The following MAP3K9 variants were observed in gnomAD, a reference collection of about 807,000 sequenced individuals.
MAP3K9 encodes mitogen-activated protein kinase kinase kinase 9.
In MAP3K9, 46 loss-of-function variants were observed where a neutral mutation model predicts 95.8. The observed-to-expected ratio is 0.48, with a 90% CI of 0.38 to 0.61. The LOEUF is 0.61. Among genes scored for constraint, MAP3K9 ranks in the 20% least tolerant of loss-of-function variants. The pLI is 0.00. For synonymous variants in MAP3K9, 533 were observed against 593.8 expected, an observed-to-expected ratio of 0.90 and a Z score of 1.49; for missense variants, 1,296 against 1,474.3, an observed-to-expected ratio of 0.88 and a Z score of 1.98.
chr14:70,782,296 A>T (rs1190698709), intron 2 of MAP3K9, among the ~76,000 whole-genome samples: 1 of 152,258 alleles, frequency 6.6e-6, no homozygotes, highest in Admixed American at 6.5e-5. Context: ...AATAGCAGGC[A>T]CGTCAATTTC....
chr14:70,731,744 T>A (rs1313430260), intron 11 of MAP3K9, among the ~76,000 whole-genome samples: 1 of 152,004 alleles, frequency 6.6e-6, no homozygotes, highest in Non-Finnish European at 1.5e-5. Context: ...CATATCTGAG[T>A]ATAACAAAAA....
chr14:70,745,008 G>A (rs181142487), intron 5 of MAP3K9, among the ~76,000 whole-genome samples: 65 of 152,214 alleles, frequency 4.3e-4, no homozygotes, highest in Non-Finnish European at 7.9e-4. Context: ...AAGAGGGGAG[G>A]GGATATAGAA....
intron 2 of MAP3K9, among the ~76,000 whole-genome samples, chr14:70,791,322 A>G (rs1425294608): frequency 6.6e-6 from 1 of 152,172 alleles, no homozygotes; most frequent in Non-Finnish European, 1.5e-5. Context: ...CTTCTGCTCC[A>G]ACTCCAGCAC....
Position 70,733,255 on chromosome 14 carries a change from C to A in MAP3K9, c.2114G>T (p.Arg705Leu), listed in dbSNP as rs146243565. The A allele has an allele frequency of 6.2e-7, 1 of 1,612,434 alleles. No individual in the cohort carries two copies. The highest frequency in any genetic ancestry group is 1.3e-5 in the African/African-American group (1 of 74,990). ...SQSYLCIPFP[R>L]GEDGDGPSSD... is the part of the protein sequence containing the mutation. ...GGAGGGGCCATCGCCATCCTCTCCACGAGGGAATGGGATACAGAGGTAGGA... is the reference window on the plus strand; with the variant it reads ...GGAGGGGCCATCGCCATCCTCTCCAAGAGGGAATGGGATACAGAGGTAGGA... Residue 705 changes from arginine to leucine, a missense_variant, in exon 11 of 12, where the codon CGT (arginine) becomes CTT (leucine). Physicochemically the swap from Arg to Leu is moderately radical, Grantham distance 102. Around this residue, in one of 5 missense-constraint regions of MAP3K9, gnomAD observed 377 missense variants for 417.1 expected, o/e 0.90. Transcript: ENST00000554752.
intron 5 of MAP3K9, among the ~76,000 whole-genome samples, chr14:70,742,903 ATATATATT>A (rs1263116218): frequency 2.9e-5 from 1 of 34,274 alleles, no homozygotes; most frequent in Non-Finnish European, 5.5e-5. Flanking sequence ...CCTGTGATTT[ATATATATT>A]TATATATATA....
At position 70,748,938 on chromosome 14, in the gene MAP3K9, A is replaced by G. The variant is rs1389314441; in HGVS notation, c.1217T>C (p.Ile406Thr). Residue 406 changes from isoleucine (I) to threonine (T), a missense_variant, in exon 5 of 12, where the codon ATA becomes ACA. By Grantham distance (89) the Ile-to-Thr change is moderately conservative. This residue lies in a region of MAP3K9 where 136 missense variants were observed against 221.5 expected (regional missense o/e 0.61). Transcript: ENST00000554752. The part of the protein sequence containing the change: ...FTNILDQLTT[I>T]EESGFFEMPK... ...CATTTCAAAGAAACCAGACTCCTCT[A>G]TGGTGGTTAGCTGGTCCAGGATATT... The G allele has an allele frequency of 2.5e-6, 4 of 1,614,060 alleles. No individual in the cohort carries two copies. The highest frequency in any genetic ancestry group is 2.2e-5 in the South Asian group (2 of 91,082).
chr14:70,762,426 T>G (rs1197671231), intron 2 of MAP3K9, among the ~76,000 whole-genome samples: 1 of 152,222 alleles, frequency 6.6e-6, no homozygotes, highest in Admixed American at 6.5e-5. Context: ...ATTGGTATTC[T>G]TAATGCCATC....
At chr14:70,740,466 CAT>C (rs527596295) in intron 6 of MAP3K9, among the ~76,000 whole-genome samples, 449 of 152,300 alleles carry the variant, frequency 2.9e-3, no homozygotes, top group African/African-American at 0.01. Flanking sequence ...CTGTTTAGCT[CAT>C]GAGATGTTGT....
chr14:70,798,762 G>T (rs1457362415), intron 2 of MAP3K9, among the ~76,000 whole-genome samples: 2 of 152,088 alleles, frequency 1.3e-5, no homozygotes. Context: ...ACAGGCGTGA[G>T]CCACCGCGCC....
At position 70,809,299 on chromosome 14, in the gene MAP3K9, G is replaced by A; in HGVS notation, c.-128C>T. The A allele has an allele frequency of 3.4e-6, 4 of 1,161,132 alleles. No individual in the cohort carries two copies. In the South Asian group the frequency reaches 1.2e-4, roughly 34 times the overall value. 71.9% of individuals were successfully genotyped at this position (1,161,132 alleles called of 1,614,324 possible). On this transcript the variant is annotated 5_prime_UTR_variant, in exon 1 of 12. Transcript: ENST00000554752. ...GACGGCGGCCGCAGGTAGGGCCCGGGCTGGCAGGGCTGGGAGAGCCGGCTC... is the reference window on the plus strand; with the variant it reads ...GACGGCGGCCGCAGGTAGGGCCCGGACTGGCAGGGCTGGGAGAGCCGGCTC...
chr14:70,742,207 G>T, intron 6 of MAP3K9, 144 bp downstream of exon 6: 1 of 1,122,834 alleles, frequency 8.9e-7, no homozygotes, highest in Non-Finnish European at 1.3e-6. Context: ...TCTTTCCAGT[G>T]AACAGAATGG....
At chr14:70,778,911 G>A (rs1160926943) in intron 2 of MAP3K9, among the ~76,000 whole-genome samples, 1 of 152,172 alleles carries the variant, frequency 6.6e-6, no homozygotes, top group Admixed American at 6.5e-5. Context: ...ACCTAACATG[G>A]AGGATGCCTG....
At chr14:70,749,722 A>T in intron 4 of MAP3K9, 1 of 512,026 alleles carries the variant, frequency 2.0e-6, no homozygotes, top group Non-Finnish European at 3.4e-6. Context: ...TACTAATTTC[A>T]CTTCTACAGT....
intron 3 of MAP3K9, among the ~76,000 whole-genome samples, chr14:70,757,985 T>C (rs142010391): frequency 1.8e-4 from 27 of 152,270 alleles, no homozygotes; most frequent in African/African-American, 4.8e-4. Flanking sequence ...CTTCATGACT[T>C]TGGACTAGGC....
At chr14:70,792,938 C>T (rs1055695954) in intron 2 of MAP3K9, among the ~76,000 whole-genome samples, 4 of 152,184 alleles carry the variant, frequency 2.6e-5, no homozygotes, top group African/African-American at 9.7e-5. Flanking sequence ...TTGTGAACTC[C>T]AAGAGAAGGT....
At chr14:70,749,641 T>C in intron 4 of MAP3K9, 1 of 327,722 alleles carries the variant, frequency 3.1e-6, no homozygotes, top group Non-Finnish European at 5.6e-6. Context: ...GGTCCTGACA[T>C]AAAAGTTGCT....
At chr14:70,798,471 GTTTTTTTTTTT>G (rs1170327816) in intron 2 of MAP3K9, among the ~76,000 whole-genome samples, 8 of 65,440 alleles carry the variant, frequency 1.2e-4, no homozygotes, top group Non-Finnish European at 2.2e-4. Flanking sequence ...GTCACCAAAA[GTTTTTTTTTTT>G]TTTTTTTTTT....
At chr14:70,753,792 T>C (rs2054262415) in intron 3 of MAP3K9, among the ~76,000 whole-genome samples, 1 of 152,154 alleles carries the variant, frequency 6.6e-6, no homozygotes, top group Admixed American at 6.5e-5. Flanking sequence ...CGAGGCTTGG[T>C]AATCCCTTCA....
At chr14:70,805,436 T>G (rs185077707) in intron 1 of MAP3K9, among the ~76,000 whole-genome samples, 4 of 152,246 alleles carry the variant, frequency 2.6e-5, no homozygotes, top group Admixed American at 6.5e-5. Context: ...ACATTTTTCA[T>G]CTTTCACTAA....
Sources: allele counts gnomAD v4.1 joint callset (sites outside exome capture counted in the v4.1 genomes callset), GRCh38; gene constraint gnomAD v4.1.1; regional missense constraint gnomAD v4.1.1; transcripts MANE v1.5; gene names NCBI Gene and HGNC (gene_info 2026-07-23, HGNC 2026-07-21).